The following SLC25A26 variants were observed in gnomAD, a reference collection of about 807,000 sequenced individuals.
SLC25A26 encodes the protein mitochondrial S-adenosylmethionine carrier protein.
A neutral mutation model predicts 37.8 loss-of-function variants in SLC25A26; 36 were observed. The observed-to-expected ratio is 0.95, with a 90% confidence interval of 0.73 to 1.26. The LOEUF (loss-of-function observed/expected upper bound fraction) is 1.26, where lower values mean the gene tolerates loss of function less well. SLC25A26 is among the 50% of genes most tolerant of loss of function. The pLI is 0.00. For missense variants in SLC25A26, 390 were observed against 331.1 expected (o/e 1.18, Z -1.38); for synonymous variants, 129 against 122.5 (o/e 1.05, Z -0.35).
intron 6 of SLC25A26, among the ~76,000 whole-genome samples, chr3:66,349,990 G>C (rs1472980749): frequency 1.3e-5 from 2 of 152,128 alleles, no homozygotes; most frequent in African/African-American, 4.8e-5. Flanking sequence ...ATATAATACT[G>C]TTTTTTAAAC....
rs188886967 is a variant in SLC25A26 at position 66,178,467 on chromosome 3, G to A, written c.-353-42275G>A. Among the ~76,000 whole-genome samples, 12 of 152,260 alleles carry A rather than the reference G, an allele frequency of 7.9e-5. No homozygotes were observed. In the East Asian group the frequency reaches 1.9e-3, roughly 25 times the overall value. On this transcript the variant is annotated intron_variant, in intron 1 of 10. Coordinates refer to the SLC25A26 transcript ENST00000676754. ...CACTTTTCGTGAGGTACTGACAGAC[G>A]TTGTCCCTTGTTGTCCAAGCTCAGT...
At chr3:66,286,273 C>G (rs903750421) in intron 5 of SLC25A26, among the ~76,000 whole-genome samples, 1 of 152,114 alleles carries the variant, frequency 6.6e-6, no homozygotes, top group African/African-American at 2.4e-5. Flanking sequence ...CTGCCTAACT[C>G]TAAGTCATTA....
At chr3:66,192,078 A>C (rs2070953122) in intron 1 of SLC25A26, among the ~76,000 whole-genome samples, 1 of 151,986 alleles carries the variant, frequency 6.6e-6, no homozygotes, top group Non-Finnish European at 1.5e-5. Flanking sequence ...GCACTTTGAG[A>C]GGCCGAGGCA....
intron 5 of SLC25A26, among the ~76,000 whole-genome samples, chr3:66,330,729 C>T (rs2075955209): frequency 6.6e-6 from 1 of 151,778 alleles, no homozygotes. Context: ...TTTGCCCATT[C>T]AAAAAGTTAA....
chr3:66,198,325 C>T (rs2071071164), intron 1 of SLC25A26, among the ~76,000 whole-genome samples: 1 of 151,932 alleles, frequency 6.6e-6, no homozygotes, highest in Admixed American at 6.6e-5. Context: ...TGACTCTTGC[C>T]CTAATGGTAG....
At chr3:66,147,213 G>C (rs1235372675) in intron 1 of SLC25A26, among the ~76,000 whole-genome samples, 3 of 149,674 alleles carry the variant, frequency 2.0e-5, no homozygotes, top group Non-Finnish European at 3.0e-5. Context: ...TCCCAGGCTA[G>C]AGTACAGTGG....
At chr3:66,306,576 G>A (rs2075229375) in intron 5 of SLC25A26, among the ~76,000 whole-genome samples, 1 of 152,080 alleles carries the variant, frequency 6.6e-6, no homozygotes, top group South Asian at 2.1e-4. Context: ...TGCCATGGTG[G>A]TTTGCTGCAC....
At chr3:66,252,841 A>G (rs532840110) in intron 3 of SLC25A26, among the ~76,000 whole-genome samples, 7 of 152,300 alleles carry the variant, frequency 4.6e-5, no homozygotes, top group African/African-American at 1.4e-4. Context: ...AGAATAAGTA[A>G]TTAGATAAAT....
intron 5 of SLC25A26, among the ~76,000 whole-genome samples, chr3:66,282,060 G>A (rs1003150856): frequency 2.1e-5 from 3 of 142,070 alleles, no homozygotes; most frequent in East Asian, 2.0e-4. Context: ...GCCGGACTGC[G>A]GACTGCAGTG....
chr3:66,155,146 T>A (rs1218352764), intron 1 of SLC25A26, among the ~76,000 whole-genome samples: 2 of 152,232 alleles, frequency 1.3e-5, no homozygotes, highest in African/African-American at 4.8e-5. Flanking sequence ...AGTTTTTGCA[T>A]ATCTGTGTCC....
intron 1 of SLC25A26, among the ~76,000 whole-genome samples, chr3:66,150,969 G>A (rs1039190005): frequency 6.6e-6 from 1 of 151,880 alleles, no homozygotes; most frequent in Admixed American, 6.6e-5. Flanking sequence ...TGGGGCAGGT[G>A]CCTAGCACTG....
chr3:66,194,180 A>C (rs1477243651), intron 1 of SLC25A26, among the ~76,000 whole-genome samples: 1 of 152,222 alleles, frequency 6.6e-6, no homozygotes, highest in African/African-American at 2.4e-5. Flanking sequence ...ATGCCCCTTT[A>C]AATACCTCCA....
chr3:66,196,165 T>A (rs1355151736), intron 1 of SLC25A26, among the ~76,000 whole-genome samples: 1 of 152,140 alleles, frequency 6.6e-6, no homozygotes, highest in Non-Finnish European at 1.5e-5. Flanking sequence ...TCTCTAGACA[T>A]AAGGAAAACC....
chr3:66,338,291 A>C (rs545955800), intron 5 of SLC25A26, among the ~76,000 whole-genome samples: 13 of 152,184 alleles, frequency 8.5e-5, no homozygotes, highest in African/African-American at 3.1e-4. Flanking sequence ...TGTGACATTA[A>C]TGTATAAATC....
chr3:66,137,125 C>T lies in SLC25A26; in HGVS notation c.-354+3141C>T, dbSNP rs570382767. Among the ~76,000 whole-genome samples the T allele has an allele frequency of 2.6e-5, 4 of 151,984 alleles. No homozygotes were observed. In the East Asian group the frequency reaches 7.7e-4, roughly 29 times the overall value. ...ATAGATGTGAGCTCTTTCCTGCCAC[C>T]TTTTCCACCATGTGAGGATGCCATG... On this transcript the variant is annotated intron_variant, in intron 1 of 10. Transcript: ENST00000676754.
rs1242439733 is a variant in SLC25A26, at chr3:66,239,186, C to A, written c.190+2486C>A. 2.0e-5 allele frequency among the ~76,000 whole-genome samples: 3 copies of A among 152,018 alleles called. No homozygotes were observed. The East Asian group carries it at 5.8e-4, about 29-fold the overall frequency. Reference sequence around the variant, plus strand: ...GAAGCACTCATCTCCACCAAGTTGTCTTCTGTTAATTCCTCTGGTGTGGTG... The same window carrying A: ...GAAGCACTCATCTCCACCAAGTTGTATTCTGTTAATTCCTCTGGTGTGGTG... On this transcript the variant is annotated intron_variant, in intron 2 of 9. Transcript: ENST00000354883.
chr3:66,371,037 G>A (rs77876282), intron 9 of SLC25A26, among the ~76,000 whole-genome samples: 5 of 152,194 alleles, frequency 3.3e-5, no homozygotes, highest in African/African-American at 1.2e-4. Context: ...TCCACTATTA[G>A]CATCAATTGA....
intron 1 of SLC25A26, among the ~76,000 whole-genome samples, chr3:66,170,788 A>ATT (rs1559559094): frequency 5.3e-5 from 3 of 56,412 alleles, no homozygotes; most frequent in Non-Finnish European, 7.1e-5. Flanking sequence ...AGATGTGATT[A>ATT]TTGTTTTTTT....
At chr3:66,325,843 C>T (rs137997331) in intron 5 of SLC25A26, among the ~76,000 whole-genome samples, 70 of 152,250 alleles carry the variant, frequency 4.6e-4, no homozygotes, top group Admixed American at 1.0e-3. Context: ...AGAAGGTGAT[C>T]AGTTTGGTCT....
Sources: gnomAD v4.1 joint callset for allele counts (sites outside exome capture counted in the v4.1 genomes callset) on GRCh38, gnomAD v4.1.1 for gene constraint, MANE v1.5 for transcripts, NCBI Gene and HGNC (gene_info 2026-07-23, HGNC 2026-07-21) for gene names.